SEMA6D: variants seen among roughly 807,000 people sequenced by gnomAD.
The protein encoded by SEMA6D is semaphorin-6D.
Under a neutral mutation model 106.6 loss-of-function variants are expected in SEMA6D, and 35 were observed. The observed-to-expected ratio is 0.33, with a 90% CI of 0.25 to 0.44. The LOEUF is 0.44. Among genes scored for constraint, SEMA6D ranks in the 20% least tolerant of loss-of-function variants. The pLI is 1.00. For synonymous variants in SEMA6D, 499 were observed against 487.7 expected, an observed-to-expected ratio of 1.02 and a Z score of -0.31; for missense variants, 1,185 against 1,345.9, an observed-to-expected ratio of 0.88 and a Z score of 1.87.
intron 2 of SEMA6D, among the ~76,000 whole-genome samples, chr15:47,422,905 C>G (rs1241020734): frequency 6.6e-6 from 1 of 152,014 alleles, no homozygotes; most frequent in East Asian, 1.9e-4. Flanking sequence ...AAATAATCAT[C>G]TTAAAGGAAA....
intron 1 of SEMA6D, among the ~76,000 whole-genome samples, chr15:47,340,347 TAA>T (rs78181284): frequency 0.016 from 2,258 of 143,214 alleles, 50 homozygotes; most frequent in African/African-American, 0.055. Flanking sequence ...AGTGCTAACT[TAA>T]AAAAAAAAAA....
chr15:47,677,703 C>T (rs1053880583), intron 4 of SEMA6D, among the ~76,000 whole-genome samples: 1 of 152,174 alleles, frequency 6.6e-6, no homozygotes, highest in Non-Finnish European at 1.5e-5. Context: ...GAATGAGATA[C>T]TTTTTACAGT....
intron 1 of SEMA6D, among the ~76,000 whole-genome samples, chr15:47,723,259 T>C (rs1449944582): frequency 3.9e-5 from 6 of 152,200 alleles, no homozygotes; most frequent in Admixed American, 1.3e-4. Context: ...GGCCGTATAA[T>C]TATTACACAC....
intron 4 of SEMA6D, among the ~76,000 whole-genome samples, chr15:47,632,817 T>G (rs2077316440): frequency 6.6e-6 from 1 of 151,998 alleles, no homozygotes. Context: ...ATTTTATTAT[T>G]TGTTTTCTGC....
intron 4 of SEMA6D, among the ~76,000 whole-genome samples, chr15:47,660,475 C>T (rs2077895925): frequency 6.6e-6 from 1 of 152,008 alleles, no homozygotes; most frequent in African/African-American, 2.4e-5. Flanking sequence ...TACAGGAAAG[C>T]ATATATGGGA....
chr15:47,280,484 G>T (rs2035061602), intron 1 of SEMA6D, among the ~76,000 whole-genome samples: 2 of 142,236 alleles, frequency 1.4e-5, no homozygotes, highest in Non-Finnish European at 3.0e-5. Context: ...ACCAGCTCCT[G>T]GATTCATTAA....
chr15:47,385,361 G>T (rs2039796520), intron 1 of SEMA6D, among the ~76,000 whole-genome samples: 1 of 152,100 alleles, frequency 6.6e-6, no homozygotes. Context: ...CTCTTTCATT[G>T]TACTGTGAAG....
rs545404941 is a variant in SEMA6D, at chr15:47,368,308, A to G, written c.-238-44085A>G. On this transcript the variant is annotated intron_variant, in intron 1 of 19. Transcript: ENST00000558014. ...CCTTGAGTCTCATAGCCATAAAAGCATGCCATAAATCTCATTCTCCAACAC... is the reference window on the plus strand; with the variant it reads ...CCTTGAGTCTCATAGCCATAAAAGCGTGCCATAAATCTCATTCTCCAACAC... 1.5e-3 allele frequency among the ~76,000 whole-genome samples: 231 copies of G among 152,334 alleles called. 1 individual carries two copies. The highest frequency in any genetic ancestry group is 2.5e-3 in the Non-Finnish European group (169 of 68,034).
intron 3 of SEMA6D, among the ~76,000 whole-genome samples, chr15:47,489,334 T>A (rs187286263): frequency 6.6e-6 from 1 of 152,326 alleles, no homozygotes; most frequent in Admixed American, 6.5e-5. Context: ...TAAATTTCTG[T>A]TGTTTTAGGC....
intron 3 of SEMA6D, among the ~76,000 whole-genome samples, chr15:47,508,592 TACTC>T (rs1338254936): frequency 6.6e-6 from 1 of 152,220 alleles, no homozygotes; most frequent in African/African-American, 2.4e-5. Flanking sequence ...ACATCATAGA[TACTC>T]AATAATTTGA....
intron 4 of SEMA6D, among the ~76,000 whole-genome samples, chr15:47,665,825 A>G (rs572580824): frequency 2.6e-5 from 4 of 152,312 alleles, no homozygotes; most frequent in African/African-American, 7.2e-5. Flanking sequence ...AAATAAATAA[A>G]TAATAGTTTA....
At chr15:47,359,325 C>G (rs1004175008) in intron 1 of SEMA6D, 1 of 152,088 alleles carries the variant, frequency 6.6e-6, no homozygotes, top group African/African-American at 2.4e-5. Flanking sequence ...AATTTTTACT[C>G]TTTCTGTGCT....
chr15:47,253,103 G>T (rs2033612232), intron 1 of SEMA6D, among the ~76,000 whole-genome samples: 1 of 152,028 alleles, frequency 6.6e-6, no homozygotes, highest in Non-Finnish European at 1.5e-5. Flanking sequence ...CTGGGGTGAG[G>T]TGATATTTCA....
chr15:47,541,817 T>C (rs1458067655), intron 3 of SEMA6D, among the ~76,000 whole-genome samples: 1 of 152,150 alleles, frequency 6.6e-6, no homozygotes, highest in Non-Finnish European at 1.5e-5. Context: ...TGAATTAACT[T>C]AGGGCTGTGT....
intron 1 of SEMA6D, among the ~76,000 whole-genome samples, chr15:47,259,528 A>T (rs2033967157): frequency 6.6e-6 from 1 of 151,212 alleles, no homozygotes; most frequent in South Asian, 2.1e-4. Flanking sequence ...CTGGTTTCTG[A>T]TGAGAAATCC....
Position 47,483,315 on chromosome 15 carries a change from G to T in SEMA6D, c.-87+12770G>T, listed in dbSNP as rs2043205953. On this transcript the variant is annotated intron_variant, in intron 3 of 19. Transcript: ENST00000558014. Reference sequence around the variant, plus strand: ...AGGTATGTGCTACGGTTTTTTAGGAGACCAGAGACTGATCAACTTGATTCA... The same window carrying T: ...AGGTATGTGCTACGGTTTTTTAGGATACCAGAGACTGATCAACTTGATTCA... 2.0e-5 allele frequency among the ~76,000 whole-genome samples: 3 copies of T among 152,234 alleles called. No homozygotes were observed. The South Asian group carries it at 6.2e-4, about 32-fold the overall frequency.
chr15:47,701,874 G>A (rs1451651565), intron 4 of SEMA6D, among the ~76,000 whole-genome samples: 1 of 152,030 alleles, frequency 6.6e-6, no homozygotes, highest in Non-Finnish European at 1.5e-5. Flanking sequence ...GAAGTTTGAG[G>A]GAAACCTAGG....
chr15:47,592,909 A>T (rs1212243359), intron 3 of SEMA6D, among the ~76,000 whole-genome samples: 2 of 152,240 alleles, frequency 1.3e-5, no homozygotes, highest in Non-Finnish European at 2.9e-5. Context: ...ATAAAGTGCC[A>T]TAATGAACAT....
At chr15:47,506,599 AACACACACACACACACAC>A (rs61155774) in intron 3 of SEMA6D, among the ~76,000 whole-genome samples, 2 of 137,796 alleles carry the variant, frequency 1.5e-5, no homozygotes, top group Non-Finnish European at 3.2e-5. Flanking sequence ...CACACACACA[AACACACACACACACACAC>A]ACACACACAC....
Sources: gnomAD v4.1 joint callset for allele counts (sites outside exome capture counted in the v4.1 genomes callset) on GRCh38, gnomAD v4.1.1 for gene constraint, MANE v1.5 for transcripts, NCBI Gene and HGNC (gene_info 2026-07-23, HGNC 2026-07-21) for gene names.